The following RANBP2 variants were observed in gnomAD, a reference collection of about 807,000 sequenced individuals.
The protein encoded by RANBP2 is RAN binding protein 2.
In RANBP2, 57 loss-of-function variants were observed where a neutral mutation model predicts 303.6. The observed-to-expected ratio is 0.19, with a 90% CI of 0.15 to 0.23. The LOEUF (loss-of-function observed/expected upper bound fraction) is 0.23, where lower values mean the gene tolerates loss of function less well. Ranked by LOEUF, RANBP2 falls within the 10% of genes least tolerant of loss-of-function variation. The pLI, the probability that RANBP2 is intolerant of heterozygous loss-of-function variation, is 1.00. For synonymous variants in RANBP2, 1,167 were observed against 1,301.5 expected, an observed-to-expected ratio of 0.90 and a Z score of 2.23; for missense variants, 3,138 against 3,780.8, an observed-to-expected ratio of 0.83 and a Z score of 4.46.
chr2:109,676,013 G>A, the RANBP2 span, among the ~76,000 whole-genome samples: 9 of 152,238 alleles, frequency 5.9e-5, no homozygotes, highest in East Asian at 1.9e-4. Context: ...ATGCACCCGC[G>A]CTGTCCACAC....
At chr2:109,289,225 C>T in the RANBP2 span, among the ~76,000 whole-genome samples, 1 of 152,206 alleles carries the variant, frequency 6.6e-6, no homozygotes, top group Non-Finnish European at 1.5e-5. Flanking sequence ...GGACTGCACG[C>T]TCTATGTGCA....
the RANBP2 span, among the ~76,000 whole-genome samples, chr2:109,540,155 A>C: frequency 3.9e-5 from 6 of 152,280 alleles, no homozygotes; most frequent in South Asian, 1.0e-3. Context: ...TCAAGAACAT[A>C]ATCTTTCATT....
At chr2:109,475,199 G>C in the RANBP2 span, among the ~76,000 whole-genome samples, 1 of 152,072 alleles carries the variant, frequency 6.6e-6, no homozygotes, top group Non-Finnish European at 1.5e-5. Context: ...GGATGGTCTT[G>C]ATCTCTTGAC....
chr2:109,018,982 G>A, the RANBP2 span, among the ~76,000 whole-genome samples: 10 of 152,356 alleles, frequency 6.6e-5, no homozygotes, highest in East Asian at 1.9e-3. Flanking sequence ...GGAAAAGGGA[G>A]TATAGCCAAA....
At chr2:109,199,632 T>TC in the RANBP2 span, among the ~76,000 whole-genome samples, 3 of 68 alleles carry the variant, frequency 0.044, no homozygotes, top group Admixed American at 0.062. Flanking sequence ...TGGAATGGAA[T>TC]GGAATGGAAT....
chr2:109,507,039 G>T, the RANBP2 span, among the ~76,000 whole-genome samples: 1 of 152,220 alleles, frequency 6.6e-6, no homozygotes, highest in Non-Finnish European at 1.5e-5. Context: ...GGGGCTGGAG[G>T]CTACAAGTGG....
the RANBP2 span, chr2:109,552,818 T>G: frequency 2.8e-6 from 1 of 357,034 alleles, no homozygotes; most frequent in East Asian, 5.5e-5. Context: ...CCCAAGAGGG[T>G]AGCTGCTGCA....
the RANBP2 span, among the ~76,000 whole-genome samples, chr2:109,696,815 T>C: frequency 4.6e-5 from 7 of 152,174 alleles, no homozygotes; most frequent in East Asian, 1.3e-3. Flanking sequence ...TCTCACTCTG[T>C]CACTCAGGCT....
the RANBP2 span, among the ~76,000 whole-genome samples, chr2:109,119,657 T>G: frequency 1.3e-5 from 2 of 152,232 alleles, no homozygotes; most frequent in African/African-American, 4.8e-5. Context: ...TTAAGTATTT[T>G]CTAAGATCTT....
the RANBP2 span, among the ~76,000 whole-genome samples, chr2:109,012,616 AT>A: frequency 0.29 from 44,370 of 152,052 alleles, 8,392 homozygotes; most frequent in East Asian, 0.85. Context: ...AGAAAAAAAA[AT>A]TTTTAAACTT....
the RANBP2 span, among the ~76,000 whole-genome samples, chr2:109,307,519 C>T: frequency 6.7e-6 from 1 of 148,584 alleles, no homozygotes; most frequent in Non-Finnish European, 1.5e-5. Context: ...GTGTGCTGCA[C>T]CCACTAACTC....
At chr2:109,546,867 C>T in the RANBP2 span, among the ~76,000 whole-genome samples, 1 of 152,074 alleles carries the variant, frequency 6.6e-6, no homozygotes, top group Non-Finnish European at 1.5e-5. Context: ...AAAACATTGC[C>T]TACATAGCCA....
chr2:109,353,287 A>G, the RANBP2 span, among the ~76,000 whole-genome samples: 1 of 152,168 alleles, frequency 6.6e-6, no homozygotes, highest in Non-Finnish European at 1.5e-5. Flanking sequence ...CTGGGCCTGC[A>G]TGGCTGCCTT....
chr2:109,735,896 GA>G, the RANBP2 span, among the ~76,000 whole-genome samples: 4 of 152,126 alleles, frequency 2.6e-5, no homozygotes, highest in Non-Finnish European at 4.4e-5. Context: ...CACAGAAATG[GA>G]AAATACTAGA....
the RANBP2 span, among the ~76,000 whole-genome samples, chr2:109,335,579 T>C: frequency 1.3e-5 from 2 of 152,148 alleles, no homozygotes; most frequent in Non-Finnish European, 2.9e-5. Flanking sequence ...CTCCCCTGGT[T>C]TATGTGTCCC....
At chr2:109,437,780 GCCT>G in the RANBP2 span, among the ~76,000 whole-genome samples, 1 of 152,202 alleles carries the variant, frequency 6.6e-6, no homozygotes, top group African/African-American at 2.4e-5. Flanking sequence ...TATGGGGTGG[GCCT>G]TAAAGGCATA....
At chr2:109,109,349 A>G in the RANBP2 span, among the ~76,000 whole-genome samples, 42 of 152,366 alleles carry the variant, frequency 2.8e-4, no homozygotes, top group East Asian at 7.1e-3. Flanking sequence ...CCAGGCACAC[A>G]TGGAAGGCAG....
chr2:109,456,008 G>T, the RANBP2 span, among the ~76,000 whole-genome samples: 1 of 152,222 alleles, frequency 6.6e-6, no homozygotes, highest in Non-Finnish European at 1.5e-5. Flanking sequence ...CTGCCCTGCA[G>T]CCTGCTCACG....
chr2:108,855,796 A>G, the RANBP2 span, among the ~76,000 whole-genome samples: 12 of 152,334 alleles, frequency 7.9e-5, no homozygotes, highest in Admixed American at 6.5e-4. Context: ...GTAAGCTGAA[A>G]CAGCAAAGAA....
Sources: allele counts gnomAD v4.1 joint callset (sites outside exome capture counted in the v4.1 genomes callset), GRCh38; gene constraint gnomAD v4.1.1; transcripts MANE v1.5; gene names NCBI Gene and HGNC (gene_info 2026-07-23, HGNC 2026-07-21).